HEMK2: variants seen among roughly 807,000 people sequenced by gnomAD.
HEMK2 encodes methyltransferase HEMK2.
At chr21:28,726,639 G>A in the HEMK2 span, among the ~76,000 whole-genome samples, 1 of 152,174 alleles carries the variant, frequency 6.6e-6, no homozygotes, top group Admixed American at 6.5e-5. Context: ...CAGGCACAGT[G>A]GCTCATGCCC....
At chr21:28,743,614 G>T in the HEMK2 span, among the ~76,000 whole-genome samples, 2 of 152,050 alleles carry the variant, frequency 1.3e-5, no homozygotes, top group African/African-American at 2.4e-5. Context: ...AAGGGAGGGA[G>T]GAAAGAAAAG....
the HEMK2 span, among the ~76,000 whole-genome samples, chr21:28,585,329 C>T: frequency 7.1e-6 from 1 of 141,320 alleles, no homozygotes; most frequent in Admixed American, 7.1e-5. Context: ...AAGACTCTGT[C>T]TAAATAAATA....
the HEMK2 span, among the ~76,000 whole-genome samples, chr21:28,657,530 G>A: frequency 6.6e-6 from 1 of 152,000 alleles, no homozygotes; most frequent in Non-Finnish European, 1.5e-5. Context: ...AACACAAATT[G>A]GTTGACATTG....
chr21:28,642,004 G>C, the HEMK2 span, among the ~76,000 whole-genome samples: 3 of 152,148 alleles, frequency 2.0e-5, no homozygotes, highest in Non-Finnish European at 1.5e-5. Flanking sequence ...CAAATGTACA[G>C]ATGGTTCTGA....
chr21:28,651,483 G>GT, the HEMK2 span, among the ~76,000 whole-genome samples: 1 of 152,146 alleles, frequency 6.6e-6, no homozygotes, highest in Non-Finnish European at 1.5e-5. Flanking sequence ...GAATAAAGTA[G>GT]TGTTATTTCA....
the HEMK2 span, among the ~76,000 whole-genome samples, chr21:28,625,523 C>G: frequency 1.3e-5 from 2 of 152,024 alleles, no homozygotes; most frequent in Non-Finnish European, 2.9e-5. Context: ...AGTTCGAGAC[C>G]AGCCTGACCA....
chr21:28,744,146 T>C, the HEMK2 span, among the ~76,000 whole-genome samples: 1 of 152,104 alleles, frequency 6.6e-6, no homozygotes, highest in Admixed American at 6.5e-5. Flanking sequence ...ATACTATGCT[T>C]AGTACCTGGG....
chr21:28,580,563 G>A, the HEMK2 span, among the ~76,000 whole-genome samples: 1 of 87,914 alleles, frequency 1.1e-5, no homozygotes, highest in African/African-American at 3.5e-5. Context: ...AAAGTTTAAT[G>A]CACTTAAAAA....
At chr21:28,578,220 G>C in the HEMK2 span, among the ~76,000 whole-genome samples, 2 of 152,092 alleles carry the variant, frequency 1.3e-5, no homozygotes, top group Non-Finnish European at 2.9e-5. Flanking sequence ...TCTATCTAAA[G>C]CATGCTTTCA....
chr21:28,880,413 A>AC, the HEMK2 span, among the ~76,000 whole-genome samples: 4 of 146,682 alleles, frequency 2.7e-5, no homozygotes, highest in East Asian at 7.8e-4. Flanking sequence ...AAAAACACTT[A>AC]CTTATACTAA....
chr21:28,688,432 C>T, the HEMK2 span, among the ~76,000 whole-genome samples: 1 of 152,130 alleles, frequency 6.6e-6, no homozygotes, highest in South Asian at 2.1e-4. Context: ...TCAGATGCTG[C>T]TCTGTGGCAG....
the HEMK2 span, among the ~76,000 whole-genome samples, chr21:28,599,424 C>T: frequency 6.6e-6 from 1 of 152,186 alleles, no homozygotes; most frequent in Admixed American, 6.5e-5. Context: ...ATAAAACCAT[C>T]AGATCTTGTG....
chr21:28,805,762 G>A, the HEMK2 span, among the ~76,000 whole-genome samples: 1 of 152,042 alleles, frequency 6.6e-6, no homozygotes, highest in Non-Finnish European at 1.5e-5. Flanking sequence ...CTGGGTAGAT[G>A]CTTCTGTACG....
At chr21:28,701,333 T>C in the HEMK2 span, among the ~76,000 whole-genome samples, 111 of 152,140 alleles carry the variant, frequency 7.3e-4, no homozygotes, top group African/African-American at 2.6e-3. Context: ...GGCATCCAAA[T>C]AGGAGGAGAA....
chr21:28,876,573 C>A, the HEMK2 span: 5 of 780,938 alleles, frequency 6.4e-6, no homozygotes, highest in Non-Finnish European at 1.0e-5. Flanking sequence ...AAGTTAAACA[C>A]AGATGATTTA....
chr21:28,742,826 T>C, the HEMK2 span, among the ~76,000 whole-genome samples: 2 of 152,112 alleles, frequency 1.3e-5, no homozygotes, highest in African/African-American at 4.8e-5. Context: ...CACATATCTA[T>C]TTATTGAGGG....
the HEMK2 span, among the ~76,000 whole-genome samples, chr21:28,786,345 A>T: frequency 6.6e-6 from 1 of 152,208 alleles, no homozygotes; most frequent in Non-Finnish European, 1.5e-5. Flanking sequence ...TGTTATCTTT[A>T]TTAAAACTTA....
the HEMK2 span, among the ~76,000 whole-genome samples, chr21:28,750,294 T>C: frequency 6.6e-6 from 1 of 152,240 alleles, no homozygotes; most frequent in Non-Finnish European, 1.5e-5. Flanking sequence ...AAGTAATCTA[T>C]TCTAAGACCA....
At chr21:28,616,225 A>T in the HEMK2 span, among the ~76,000 whole-genome samples, 1 of 152,350 alleles carries the variant, frequency 6.6e-6, no homozygotes, top group South Asian at 2.1e-4. Flanking sequence ...TAATAATATA[A>T]GCAACAAGGA....
Sources: allele counts gnomAD v4.1 joint callset (sites outside exome capture counted in the v4.1 genomes callset), GRCh38; gene constraint gnomAD v4.1.1; transcripts MANE v1.5; gene names NCBI Gene and HGNC (gene_info 2026-07-23, HGNC 2026-07-21).